FAM13C: variants seen among roughly 807,000 people sequenced by gnomAD.
The protein encoded by FAM13C is protein FAM13C.
A neutral mutation model predicts 73.2 loss-of-function variants in FAM13C; 37 were observed. That is an observed-to-expected ratio of 0.51 (90% CI 0.39 to 0.67). FAM13C has a LOEUF of 0.67. Ranked by LOEUF, FAM13C falls within the 30% of genes least tolerant of loss-of-function variation. FAM13C has a pLI of 0.00. For synonymous variants in FAM13C, 246 were observed against 260.9 expected (o/e 0.94, Z 0.55); for missense variants, 589 against 715.6 (o/e 0.82, Z 2.02).
chr10:59,264,200 G>T, intron 8 of FAM13C, 34 bp from the exon 9 acceptor site: 8 of 1,338,200 alleles, frequency 6.0e-6, no homozygotes, highest in Non-Finnish European at 8.5e-6. Flanking sequence ...GGGTGGAAGG[G>T]AGGGAAGGAG....
chr10:59,349,392 C>G (rs1272649411), intron 3 of FAM13C, among the ~76,000 whole-genome samples: 1 of 152,158 alleles, frequency 6.6e-6, no homozygotes, highest in Non-Finnish European at 1.5e-5. Context: ...TGGGCTGAGT[C>G]AGGATTTGTA....
rs527928900 is a variant in FAM13C, at chr10:59,332,278, G to A, written c.325-8172C>T. On this transcript the variant is annotated intron_variant, in intron 3 of 13. Transcript: ENST00000618804. ...TGTGTATTATTACTGTGCAGTTATG[G>A]TTTTTTTATGTGGGATATGTTAATT... is the stretch of plus-strand genomic sequence containing the variant. 3.9e-5 allele frequency among the ~76,000 whole-genome samples: 6 copies of A among 151,998 alleles called. No homozygotes were observed. The South Asian group carries it at 1.3e-3, about 32-fold the overall frequency.
At chr10:59,333,873 A>G (rs1852349008) in intron 3 of FAM13C, among the ~76,000 whole-genome samples, 1 of 152,220 alleles carries the variant, frequency 6.6e-6, no homozygotes, top group African/African-American at 2.4e-5. Flanking sequence ...TCTTGTATCA[A>G]CAAGGGACGT....
intron 3 of FAM13C, among the ~76,000 whole-genome samples, chr10:59,342,063 T>C (rs1277745945): frequency 6.6e-6 from 1 of 152,158 alleles, no homozygotes; most frequent in Non-Finnish European, 1.5e-5. Flanking sequence ...TTGATCATTT[T>C]AACACAGAAG....
At chr10:59,308,673 T>C (rs1848571225) in intron 4 of FAM13C, among the ~76,000 whole-genome samples, 1 of 143,024 alleles carries the variant, frequency 7.0e-6, no homozygotes, top group Non-Finnish European at 1.5e-5. Flanking sequence ...AAAATACTTC[T>C]CAACAGAGAA....
intron 3 of FAM13C, among the ~76,000 whole-genome samples, chr10:59,337,770 C>A (rs1852936600): frequency 6.8e-6 from 1 of 146,180 alleles, no homozygotes; most frequent in African/African-American, 2.5e-5. Context: ...ACCTCCACCT[C>A]CCGGGTTCAA....
chr10:59,273,000 T>A (rs1843894386), intron 6 of FAM13C, among the ~76,000 whole-genome samples: 1 of 152,172 alleles, frequency 6.6e-6, no homozygotes, highest in Non-Finnish European at 1.5e-5. Flanking sequence ...AACAAGATAC[T>A]GTAATAAAAG....
intron 4 of FAM13C, among the ~76,000 whole-genome samples, chr10:59,320,673 C>T (rs919595262): frequency 6.6e-6 from 1 of 152,178 alleles, no homozygotes; most frequent in Non-Finnish European, 1.5e-5. Flanking sequence ...AGGAAAATGA[C>T]ATACAGAAAA....
intron 3 of FAM13C, among the ~76,000 whole-genome samples, chr10:59,332,346 T>G (rs1412679297): frequency 6.6e-6 from 1 of 152,166 alleles, no homozygotes; most frequent in African/African-American, 2.4e-5. Context: ...GAGTATGTGT[T>G]GCTTTTATAA....
chr10:59,309,123 G>T (rs73300155), intron 4 of FAM13C, among the ~76,000 whole-genome samples: 4,348 of 152,232 alleles, frequency 0.029, 216 homozygotes, highest in African/African-American at 0.1. Context: ...GGAAGACAAC[G>T]GACAGCTATC....
intron 5 of FAM13C, among the ~76,000 whole-genome samples, chr10:59,289,198 T>C (rs1423350104): frequency 6.6e-6 from 1 of 152,186 alleles, no homozygotes. Context: ...CTCCTGAGAA[T>C]CTAATGCCAC....
intron 10 of FAM13C, among the ~76,000 whole-genome samples, chr10:59,256,524 G>A (rs1353216837): frequency 6.6e-6 from 1 of 152,116 alleles, no homozygotes; most frequent in Admixed American, 6.6e-5. Flanking sequence ...CTTTGATTCC[G>A]TTGTCTTCCT....
chr10:59,254,140 C>A (rs568007076), intron 11 of FAM13C: 4 of 397,798 alleles, frequency 1.0e-5, no homozygotes, highest in Non-Finnish European at 1.8e-5. Context: ...GCTATATGTT[C>A]CTATTTTACA....
chr10:59,260,530 A>T (rs1159147815), intron 10 of FAM13C, among the ~76,000 whole-genome samples: 1 of 152,138 alleles, frequency 6.6e-6, no homozygotes, highest in Non-Finnish European at 1.5e-5. Context: ...TCTTCTTTAA[A>T]TGTCACCTCT....
Position 59,251,572 on chromosome 10 carries a change from T to C in FAM13C, c.1634+3A>G. 2 of 1,612,044 alleles carry C rather than the reference T, an allele frequency of 1.2e-6. No homozygotes were observed. The highest frequency in any genetic ancestry group is 1.7e-5 in the Admixed American group (1 of 60,008). ...CTTTAAAAATCTCTCTGCCGACACA[T>C]ACCTTCCTGTTTGTTTAAAAAACTG... On this transcript the variant is annotated splice_donor_region_variant and intron_variant, in intron 13 of 13. Transcript: ENST00000618804.
intron 4 of FAM13C, among the ~76,000 whole-genome samples, chr10:59,313,789 G>T (rs550460512): frequency 6.6e-6 from 1 of 152,294 alleles, no homozygotes; most frequent in South Asian, 2.1e-4. Flanking sequence ...GCAAACTAGA[G>T]CTTGTAAAGG....
intron 10 of FAM13C, among the ~76,000 whole-genome samples, chr10:59,256,065 T>C (rs1841921517): frequency 6.6e-6 from 1 of 152,190 alleles, no homozygotes; most frequent in Admixed American, 6.5e-5. Flanking sequence ...TTAAGTATTG[T>C]TTAAATAACC....
In FAM13C at chr10:59,246,134, A is replaced by G. The variant is rs1158906666; in HGVS notation, c.*1480T>C. The stretch of plus-strand genomic sequence containing the variant: ...ACTACTGTGTTTCAACATAATAAAT[A>G]TAATAGAAAAATATTTTATTTGTAT... On this transcript the variant is annotated 3_prime_UTR_variant, in exon 14 of 14. Transcript: ENST00000618804. 1.3e-5 allele frequency: 2 copies of G among 152,736 alleles called. No individual in the cohort carries two copies. Among genetic ancestry groups the G allele is most frequent in the Non-Finnish European group, 2.9e-5 (2 of 68,110 alleles). The allele number at this position is 152,736 out of a possible 1,614,324, so 9.5% of individuals were successfully genotyped here.
intron 3 of FAM13C, among the ~76,000 whole-genome samples, chr10:59,342,904 C>T (rs1288805785): frequency 1.3e-5 from 2 of 152,214 alleles, no homozygotes; most frequent in African/African-American, 4.8e-5. Flanking sequence ...CTAAAGAACA[C>T]CCTGCTCTTG....
Sources: gnomAD v4.1 joint callset for allele counts (sites outside exome capture counted in the v4.1 genomes callset) on GRCh38, gnomAD v4.1.1 for gene constraint, MANE v1.5 for transcripts, NCBI Gene and HGNC (gene_info 2026-07-23, HGNC 2026-07-21) for gene names.